PTPRM: variants seen among roughly 807,000 people sequenced by gnomAD.
PTPRM encodes the protein receptor-type tyrosine-protein phosphatase mu.
Under a neutral mutation model 186.7 loss-of-function variants are expected in PTPRM, and 47 were observed. The ratio of observed to expected loss-of-function variants is 0.25; its 90% confidence interval spans 0.20 to 0.32. The LOEUF is 0.32. Ranked by LOEUF, PTPRM falls within the 10% of genes least tolerant of loss-of-function variation. The pLI, the probability that PTPRM is intolerant of heterozygous loss-of-function variation, is 1.00. For synonymous variants in PTPRM, 668 were observed against 674.9 expected, an observed-to-expected ratio of 0.99 and a Z score of 0.16; for missense variants, 1,494 against 1,865.0, an observed-to-expected ratio of 0.80 and a Z score of 3.66.
intron 13 of PTPRM, among the ~76,000 whole-genome samples, chr18:8,126,027 A>ATATATATATATATTTTTTTTT (rs57751538): frequency 1.4e-5 from 1 of 69,536 alleles, no homozygotes. Flanking sequence ...ATATATATAT[A>ATATATATATATATTTTTTTTT]TTTTAAATCA....
At chr18:7,779,418 AAGAC>A (rs1385944763) in intron 2 of PTPRM, among the ~76,000 whole-genome samples, 1 of 152,222 alleles carries the variant, frequency 6.6e-6, no homozygotes, top group Non-Finnish European at 1.5e-5. Flanking sequence ...GCCCGTATGA[AAGAC>A]AGAGAGGAAA....
chr18:8,201,182 G>A (rs1296654939), intron 14 of PTPRM, among the ~76,000 whole-genome samples: 1 of 152,100 alleles, frequency 6.6e-6, no homozygotes, highest in Non-Finnish European at 1.5e-5. Flanking sequence ...CAGGCATGGT[G>A]GTGCGCACCT....
intron 22 of PTPRM, among the ~76,000 whole-genome samples, chr18:8,324,919 A>G (rs568655365): frequency 7.9e-5 from 12 of 151,912 alleles, no homozygotes; most frequent in Non-Finnish European, 1.5e-5. Context: ...GTATGTATCA[A>G]TGCTTAGAGC....
chr18:8,088,637 A>G (rs933186294), intron 10 of PTPRM, 112 bp from the exon 11 acceptor site: 2 of 833,308 alleles, frequency 2.4e-6, no homozygotes, highest in Non-Finnish European at 2.0e-6. Context: ...GATAGCTGCA[A>G]TGTAAAGTAA....
chr18:7,801,545 G>A (rs1215486535), intron 2 of PTPRM, among the ~76,000 whole-genome samples: 1 of 151,992 alleles, frequency 6.6e-6, no homozygotes, highest in African/African-American at 2.4e-5. Context: ...ATATGTAGAA[G>A]GAGTACACTC....
intron 14 of PTPRM, among the ~76,000 whole-genome samples, chr18:8,184,986 A>C (rs2093623420): frequency 6.6e-6 from 1 of 152,102 alleles, no homozygotes; most frequent in Non-Finnish European, 1.5e-5. Context: ...TTCTTTCACC[A>C]AGTATAATCT....
At chr18:7,669,707 A>C (rs1334034122) in intron 1 of PTPRM, among the ~76,000 whole-genome samples, 1 of 151,938 alleles carries the variant, frequency 6.6e-6, no homozygotes, top group Non-Finnish European at 1.5e-5. Flanking sequence ...GGTTAGGGAG[A>C]GAATGCATGC....
intron 7 of PTPRM, among the ~76,000 whole-genome samples, chr18:8,002,869 C>T (rs1192252102): frequency 2.0e-5 from 3 of 152,128 alleles, no homozygotes; most frequent in African/African-American, 7.2e-5. Flanking sequence ...CATCTCTGCC[C>T]ACTGATTTGA....
intron 2 of PTPRM, among the ~76,000 whole-genome samples, chr18:7,803,276 C>T (rs561370387): frequency 6.6e-6 from 1 of 152,274 alleles, no homozygotes; most frequent in South Asian, 2.1e-4. Flanking sequence ...TCTGGAGGCT[C>T]TCAGGGAGAG....
chr18:7,937,935 C>G (rs2051929131), intron 5 of PTPRM, among the ~76,000 whole-genome samples: 1 of 152,170 alleles, frequency 6.6e-6, no homozygotes, highest in South Asian at 2.1e-4. Flanking sequence ...TGGTCCATTT[C>G]AGGGAGCTTC....
intron 22 of PTPRM, among the ~76,000 whole-genome samples, chr18:8,343,121 G>A (rs1191394270): frequency 2.2e-5 from 3 of 136,390 alleles, no homozygotes; most frequent in Non-Finnish European, 5.1e-5. Flanking sequence ...GTACTATGGA[G>A]ATAATAGCTA....
chr18:8,252,968 G>A (rs1385848950), intron 18 of PTPRM, among the ~76,000 whole-genome samples: 1 of 152,050 alleles, frequency 6.6e-6, no homozygotes, highest in Non-Finnish European at 1.5e-5. Context: ...AAGGCTAAAG[G>A]GCTCTTCTCA....
At chr18:7,744,681 G>T (rs1425867401) in intron 1 of PTPRM, among the ~76,000 whole-genome samples, 1 of 151,944 alleles carries the variant, frequency 6.6e-6, no homozygotes, top group East Asian at 1.9e-4. Context: ...TGTGGCCCTT[G>T]GTCTATTTGT....
intron 31 of PTPRM, among the ~76,000 whole-genome samples, chr18:8,391,333 T>TGGAA (rs2095810986): frequency 6.6e-6 from 1 of 152,208 alleles, no homozygotes; most frequent in Admixed American, 6.5e-5. Flanking sequence ...ATTTAAAAAC[T>TGGAA]GGAAACAGCC....
intron 22 of PTPRM, among the ~76,000 whole-genome samples, chr18:8,319,826 A>G (rs77872261): frequency 0.019 from 2,862 of 152,344 alleles, 77 homozygotes; most frequent in African/African-American, 0.064. Context: ...ATGTGGAAGC[A>G]GAAAGTTAGT....
At chr18:8,006,658 G>A (rs1401040297) in intron 7 of PTPRM, among the ~76,000 whole-genome samples, 2 of 152,184 alleles carry the variant, frequency 1.3e-5, no homozygotes, top group African/African-American at 4.8e-5. Flanking sequence ...GGCAACCCCA[G>A]ACAGATTCAG....
At chr18:7,845,855 G>A (rs917487682) in intron 2 of PTPRM, among the ~76,000 whole-genome samples, 1 of 152,074 alleles carries the variant, frequency 6.6e-6, no homozygotes, top group Non-Finnish European at 1.5e-5. Flanking sequence ...ACTCTTAAGG[G>A]TTGCTCTTGG....
chr18:8,133,442 A>T (rs147117410), intron 13 of PTPRM, among the ~76,000 whole-genome samples: 1 of 152,214 alleles, frequency 6.6e-6, no homozygotes, highest in South Asian at 2.1e-4. Context: ...GTATGACATA[A>T]AGATTTACCA....
At position 7,567,774 on chromosome 18, in the gene PTPRM, C is replaced by T. The variant is rs373199344; in HGVS notation, c.-45C>T. 4.0e-6 allele frequency: 6 copies of T among 1,500,166 alleles called. No homozygotes were observed. The highest frequency in any genetic ancestry group is 3.5e-6 in the Non-Finnish European group (4 of 1,129,710). 92.9% of individuals were successfully genotyped at this position (1,500,166 alleles called of 1,614,324 possible). ...TCCCGGCCCCCTCCGCCCTCGCGCG[C>T]CCACCCACCGCCGCCGGGGAGCGGC... On this transcript the variant is annotated 5_prime_UTR_variant, in exon 1 of 33. Coordinates refer to ENST00000580170, the MANE Select transcript of PTPRM (RefSeq NM_001105244.2). This position sits in a 1 kb window ranked among gnomAD's most constrained non-coding sequence, Gnocchi z 4.3.
Sources: allele counts gnomAD v4.1 joint callset (sites outside exome capture counted in the v4.1 genomes callset), GRCh38; gene constraint gnomAD v4.1.1; non-coding constraint Gnocchi (gnomAD v3.1); transcripts MANE v1.5; gene names NCBI Gene and HGNC (gene_info 2026-07-23, HGNC 2026-07-21).